Variants in CLVS1 observed in about 807,000 individuals in gnomAD.
The protein encoded by CLVS1 is clavesin-1.
Under a neutral mutation model 33.1 loss-of-function variants are expected in CLVS1, and 10 were observed. The ratio of observed to expected loss-of-function variants is 0.30; its 90% confidence interval spans 0.19 to 0.51. The LOEUF (loss-of-function observed/expected upper bound fraction) is 0.51. Ranked by LOEUF, CLVS1 falls within the 20% of genes least tolerant of loss-of-function variation. The probability of loss-of-function intolerance (pLI) is 0.97; values close to 1 mark genes in which losing one functional copy is unlikely to be tolerated. For missense variants in CLVS1, 343 were observed against 433.4 expected, an observed-to-expected ratio of 0.79 and a Z score of 1.85; for synonymous variants, 163 against 166.1, an observed-to-expected ratio of 0.98 and a Z score of 0.14.
At chr8:61,037,742 G>T in the CLVS1 span, among the ~76,000 whole-genome samples, 1 of 152,170 alleles carries the variant, frequency 6.6e-6, no homozygotes, top group African/African-American at 2.4e-5. Flanking sequence ...CGAGTGCCAG[G>T]TGCTGGTGTC....
At chr8:61,294,443 G>A (rs1259112982) in intron 1 of CLVS1, among the ~76,000 whole-genome samples, 1 of 152,074 alleles carries the variant, frequency 6.6e-6, no homozygotes, top group African/African-American at 2.4e-5. Flanking sequence ...ATCTGACTTA[G>A]CTGTTATGTA....
chr8:61,338,373 T>G (rs1051609265), intron 2 of CLVS1, among the ~76,000 whole-genome samples: 2 of 152,222 alleles, frequency 1.3e-5, no homozygotes, highest in Non-Finnish European at 2.9e-5. Context: ...TAAACTTAAA[T>G]GTAGACCACA....
the CLVS1 span, among the ~76,000 whole-genome samples, chr8:61,020,553 G>A: frequency 6.6e-6 from 1 of 152,172 alleles, no homozygotes; most frequent in African/African-American, 2.4e-5. Flanking sequence ...TGGCACTTTA[G>A]GAATACTCAG....
At chr8:61,487,379 G>A (rs1295068171) in intron 5 of CLVS1, among the ~76,000 whole-genome samples, 3 of 152,138 alleles carry the variant, frequency 2.0e-5, no homozygotes, top group African/African-American at 7.2e-5. Context: ...AGTGGCTGAG[G>A]CACAGAGCAG....
the CLVS1 span, among the ~76,000 whole-genome samples, chr8:61,050,419 T>G: frequency 6.6e-6 from 1 of 152,236 alleles, no homozygotes; most frequent in Non-Finnish European, 1.5e-5. Context: ...CACTGCATTC[T>G]CTAGCAGCAG....
chr8:61,062,879 A>G (rs945641483), intron 1 of CLVS1, among the ~76,000 whole-genome samples: 1 of 152,228 alleles, frequency 6.6e-6, no homozygotes, highest in Non-Finnish European at 1.5e-5. Flanking sequence ...ATTGTTAGTT[A>G]CTATGAAATT....
At chr8:61,292,313 C>T (rs1441271579) in intron 1 of CLVS1, 1 of 456,036 alleles carries the variant, frequency 2.2e-6, no homozygotes, top group East Asian at 6.9e-5. Flanking sequence ...TTTTACTTTT[C>T]CCAGGCAGTT....
chr8:61,353,024 T>A (rs1812535631), intron 2 of CLVS1, among the ~76,000 whole-genome samples: 1 of 152,004 alleles, frequency 6.6e-6, no homozygotes, highest in Admixed American at 6.6e-5. Flanking sequence ...GAGATGACTG[T>A]TTCTTAAATG....
intron 3 of CLVS1, among the ~76,000 whole-genome samples, chr8:61,417,615 T>C (rs1459709203): frequency 6.6e-6 from 1 of 152,200 alleles, no homozygotes; most frequent in African/African-American, 2.4e-5. Flanking sequence ...TATAAATTAA[T>C]TTTTACTGGC....
intron 2 of CLVS1, among the ~76,000 whole-genome samples, chr8:61,371,863 C>A (rs1288626558): frequency 6.6e-6 from 1 of 152,050 alleles, no homozygotes; most frequent in African/African-American, 2.4e-5. Context: ...AATGATGAAA[C>A]CCCTGTAGAT....
At chr8:61,396,326 G>C (rs561040262) in intron 3 of CLVS1, among the ~76,000 whole-genome samples, 11 of 151,810 alleles carry the variant, frequency 7.2e-5, no homozygotes, top group Non-Finnish European at 1.5e-4. Context: ...ATTTTAAATT[G>C]TAAGTTTAAA....
intron 3 of CLVS1, among the ~76,000 whole-genome samples, chr8:61,429,536 G>A (rs577412728): frequency 6.6e-6 from 1 of 151,662 alleles, no homozygotes; most frequent in African/African-American, 2.4e-5. Context: ...CATTCATGAT[G>A]GCAGAGTCCT....
intron 2 of CLVS1, among the ~76,000 whole-genome samples, chr8:61,179,186 G>A (rs963513588): frequency 6.6e-6 from 1 of 152,022 alleles, no homozygotes; most frequent in African/African-American, 2.4e-5. Context: ...AAAAAGCAGG[G>A]GTTGCAATCC....
the CLVS1 span, among the ~76,000 whole-genome samples, chr8:60,973,841 A>C: frequency 1.8e-4 from 28 of 152,180 alleles, no homozygotes; most frequent in African/African-American, 6.5e-4. Flanking sequence ...GGTGTTTCCT[A>C]TCACCTGATG....
chr8:61,330,826 G>A (rs1055394143), intron 2 of CLVS1, among the ~76,000 whole-genome samples: 7 of 151,786 alleles, frequency 4.6e-5, no homozygotes, highest in South Asian at 2.1e-4. Flanking sequence ...TTGGTGTCTC[G>A]TGCCTGCAAT....
At chr8:61,063,575 C>T (rs1017908583) in intron 1 of CLVS1, among the ~76,000 whole-genome samples, 4 of 152,068 alleles carry the variant, frequency 2.6e-5, no homozygotes, top group African/African-American at 7.2e-5. Context: ...GGACCCAGTA[C>T]AGGTAAAGCC....
intron 3 of CLVS1, among the ~76,000 whole-genome samples, chr8:61,413,441 A>C (rs1019293696): frequency 1.3e-5 from 2 of 152,146 alleles, no homozygotes; most frequent in African/African-American, 4.8e-5. Context: ...GCTTACATAC[A>C]GGGGAAAGAG....
At chr8:61,097,047 G>A (rs896834472) in intron 1 of CLVS1, among the ~76,000 whole-genome samples, 1 of 152,032 alleles carries the variant, frequency 6.6e-6, no homozygotes, top group African/African-American at 2.4e-5. Flanking sequence ...ACAGTTAAAG[G>A]TCTCTAAACC....
At chr8:61,208,086 T>C (rs1713686585) in intron 2 of CLVS1, among the ~76,000 whole-genome samples, 1 of 151,900 alleles carries the variant, frequency 6.6e-6, no homozygotes, top group African/African-American at 2.4e-5. Flanking sequence ...CAACGAGTCT[T>C]GGTCTTACAA....
Sources: gnomAD v4.1 joint callset for allele counts (sites outside exome capture counted in the v4.1 genomes callset) on GRCh38, gnomAD v4.1.1 for gene constraint, MANE v1.5 for transcripts, NCBI Gene and HGNC (gene_info 2026-07-23, HGNC 2026-07-21) for gene names.